The following NEK10 variants were observed in gnomAD, a reference collection of about 807,000 sequenced individuals.
NEK10 encodes serine/threonine-protein kinase Nek10.
NEK10 carries 122 observed loss-of-function variants against 159.8 expected under a neutral mutation model. The observed-to-expected ratio is 0.76, with a 90% CI of 0.66 to 0.89. NEK10 has a LOEUF of 0.89. Among genes scored for constraint, NEK10 ranks in the 40% least tolerant of loss-of-function variants. The pLI, the probability that NEK10 is intolerant of heterozygous loss-of-function variation, is 0.00. For synonymous variants in NEK10, 466 were observed against 457.1 expected (o/e 1.02, Z -0.25); for missense variants, 1,342 against 1,323.1 (o/e 1.01, Z -0.22).
At chr3:27,293,777 G>T in intron 15 of NEK10, 125 bp from the exon 16 acceptor site, 1 of 551,850 alleles carries the variant, frequency 1.8e-6, no homozygotes, top group Non-Finnish European at 3.2e-6. Flanking sequence ...CCAAGTTGGA[G>T]CCAAAGCTTC....
intron 26 of NEK10, among the ~76,000 whole-genome samples, chr3:27,181,266 T>G (rs75315246): frequency 0.17 from 25,893 of 152,088 alleles, 2,221 homozygotes; most frequent in Non-Finnish European, 0.19. Flanking sequence ...AATTAATACA[T>G]ACTTGATATG....
chr3:27,246,942 T>C (rs1955129807), intron 23 of NEK10, among the ~76,000 whole-genome samples: 1 of 152,234 alleles, frequency 6.6e-6, no homozygotes, highest in Admixed American at 6.5e-5. Flanking sequence ...GCTTTTTGTA[T>C]GTTGATTTTG....
intron 22 of NEK10, among the ~76,000 whole-genome samples, chr3:27,271,893 G>A (rs921200724): frequency 6.6e-6 from 1 of 151,964 alleles, no homozygotes; most frequent in Admixed American, 6.6e-5. Flanking sequence ...CCCTTTGACA[G>A]GACAAATGAT....
At chr3:27,292,604 C>T (rs1289921074) in intron 16 of NEK10, among the ~76,000 whole-genome samples, 1 of 151,864 alleles carries the variant, frequency 6.6e-6, no homozygotes, top group Non-Finnish European at 1.5e-5. Flanking sequence ...GAGGCCAAGG[C>T]GGGTGGATAA....
At chr3:27,212,563 C>T (rs1242400203) in intron 23 of NEK10, among the ~76,000 whole-genome samples, 3 of 152,242 alleles carry the variant, frequency 2.0e-5, no homozygotes, top group Non-Finnish European at 4.4e-5. Flanking sequence ...CAACAGAAAA[C>T]ACAGATTTGA....
intron 23 of NEK10, among the ~76,000 whole-genome samples, chr3:27,250,850 T>C (rs1955580848): frequency 6.6e-6 from 1 of 152,228 alleles, no homozygotes; most frequent in Non-Finnish European, 1.5e-5. Context: ...ATCCTTTCTT[T>C]ATCCCTGATA....
At chr3:27,288,159 C>T (rs538179818) in intron 19 of NEK10, among the ~76,000 whole-genome samples, 22 of 152,282 alleles carry the variant, frequency 1.4e-4, no homozygotes, top group African/African-American at 5.1e-4. Flanking sequence ...CTCTCTCTAC[C>T]ATCTAAATAT....
intron 5 of NEK10, among the ~76,000 whole-genome samples, chr3:27,322,816 A>T (rs769555726): frequency 1.4e-4 from 21 of 152,182 alleles, no homozygotes; most frequent in Non-Finnish European, 3.1e-4. Flanking sequence ...AGCTTCTGAA[A>T]GATATACCAT....
intron 32 of NEK10, among the ~76,000 whole-genome samples, chr3:27,122,063 C>A (rs538985945): frequency 2.0e-5 from 3 of 152,176 alleles, no homozygotes; most frequent in African/African-American, 7.2e-5. Context: ...ACACCTACTA[C>A]CCTCTAAGGA....
chr3:27,129,945 G>A (rs1307760518), intron 32 of NEK10, among the ~76,000 whole-genome samples: 2 of 151,912 alleles, frequency 1.3e-5, no homozygotes, highest in Non-Finnish European at 2.9e-5. Context: ...AATAGGAAGT[G>A]TTTTAATATC....
intron 20 of NEK10, among the ~76,000 whole-genome samples, chr3:27,286,170 C>G (rs2042587933): frequency 7.0e-6 from 1 of 143,266 alleles, no homozygotes; most frequent in Non-Finnish European, 1.5e-5. Context: ...ACTGCACGCT[C>G]TGCCTCTGGG....
intron 22 of NEK10, among the ~76,000 whole-genome samples, chr3:27,281,361 T>C (rs1454278465): frequency 6.6e-6 from 1 of 152,010 alleles, no homozygotes; most frequent in African/African-American, 2.4e-5. Context: ...ACAGACACAT[T>C]GAATTTTAAA....
intron 26 of NEK10, 75 bp from the exon 27 acceptor site, chr3:27,174,908 C>A (rs1947359866): frequency 8.3e-7 from 1 of 1,198,358 alleles, no homozygotes; most frequent in Non-Finnish European, 1.2e-6. Flanking sequence ...CTTGTTAGAA[C>A]ATATATTAAC....
At chr3:27,176,686 A>G (rs970935286) in intron 26 of NEK10, among the ~76,000 whole-genome samples, 2 of 152,178 alleles carry the variant, frequency 1.3e-5, no homozygotes, top group African/African-American at 4.8e-5. Flanking sequence ...TAAAAACCCA[A>G]TTCAAGGCCT....
At chr3:27,114,760 A>G (rs1186210666) in intron 35 of NEK10, among the ~76,000 whole-genome samples, 2 of 152,164 alleles carry the variant, frequency 1.3e-5, no homozygotes, top group Non-Finnish European at 2.9e-5. Flanking sequence ...CCAGGCATAA[A>G]AGACCACTTT....
intron 23 of NEK10, among the ~76,000 whole-genome samples, chr3:27,239,452 G>A (rs577804039): frequency 5.3e-5 from 8 of 152,250 alleles, no homozygotes; most frequent in South Asian, 2.1e-4. Context: ...AGGCAGACTC[G>A]AAAATCTCTG....
At chr3:27,158,117 A>C (rs934207463) in intron 30 of NEK10, among the ~76,000 whole-genome samples, 1 of 152,172 alleles carries the variant, frequency 6.6e-6, no homozygotes, top group Admixed American at 6.6e-5. Flanking sequence ...CCGGGACGGA[A>C]CCTGCAATAT....
chr3:27,136,125 T>C (rs971647108), intron 31 of NEK10, among the ~76,000 whole-genome samples: 7 of 144,408 alleles, frequency 4.8e-5, no homozygotes, highest in African/African-American at 1.8e-4. Context: ...TTTTTTTTTT[T>C]TTTTTGAGAT....
intron 1 of NEK10, among the ~76,000 whole-genome samples, chr3:27,358,843 A>G (rs952162504): frequency 1.3e-5 from 2 of 152,214 alleles, no homozygotes; most frequent in African/African-American, 4.8e-5. Flanking sequence ...CTAATCACTC[A>G]GGTTGCATCT....
Sources: gnomAD v4.1 joint callset for allele counts (sites outside exome capture counted in the v4.1 genomes callset) on GRCh38, gnomAD v4.1.1 for gene constraint, MANE v1.5 for transcripts, NCBI Gene and HGNC (gene_info 2026-07-23, HGNC 2026-07-21) for gene names.